Variants in MON2 observed in about 807,000 individuals in gnomAD.
MON2 encodes the protein protein MON2 homolog.
MON2 carries 84 observed loss-of-function variants against 208.6 expected under a neutral mutation model. That is an observed-to-expected ratio of 0.40 (90% CI 0.34 to 0.48). The LOEUF (loss-of-function observed/expected upper bound fraction) is 0.48. Among genes scored for constraint, MON2 ranks in the 20% least tolerant of loss-of-function variants. The probability of loss-of-function intolerance (pLI) is 0.59; values close to 1 mark genes in which losing one functional copy is unlikely to be tolerated. For synonymous variants in MON2, 660 were observed against 694.0 expected, an observed-to-expected ratio of 0.95 and a Z score of 0.77; for missense variants, 1,611 against 2,015.4, an observed-to-expected ratio of 0.80 and a Z score of 3.84.
intron 7 of MON2, among the ~76,000 whole-genome samples, chr12:62,505,895 A>C (rs529523301): frequency 1.3e-5 from 2 of 152,160 alleles, no homozygotes; most frequent in East Asian, 3.9e-4. Flanking sequence ...TATTTCAAAA[A>C]CAGAAAAAAA....
chr12:62,566,832 A>G (rs535495768), intron 29 of MON2, among the ~76,000 whole-genome samples: 23 of 152,104 alleles, frequency 1.5e-4, no homozygotes, highest in African/African-American at 5.5e-4. Flanking sequence ...ACATGTATAC[A>G]TATGTAACAA....
In MON2 at chr12:62,466,861, T is replaced by G; in HGVS notation, c.-347T>G. Reference sequence around the variant, plus strand: ...ATGGCGTCGGCGAGTCTTAGGGGCCTGGGGAGCTGGCGCTGAAGCTTCTTG... The same window carrying G: ...ATGGCGTCGGCGAGTCTTAGGGGCCGGGGGAGCTGGCGCTGAAGCTTCTTG... On this transcript the variant is annotated 5_prime_UTR_variant, in exon 1 of 35. Coordinates refer to ENST00000393630, the MANE Select transcript of MON2 (RefSeq NM_015026.3). 1 of 446,104 alleles carries G rather than the reference T, an allele frequency of 2.2e-6. No homozygotes were observed. Among genetic ancestry groups the G allele is most frequent in the Admixed American group, 4.1e-5 (1 of 24,186 alleles). 27.6% of individuals were successfully genotyped at this position (446,104 alleles called of 1,614,324 possible). A position where few individuals can be genotyped will look rare whatever the true frequency, so the allele number is the denominator to read the frequency against.
intron 12 of MON2, among the ~76,000 whole-genome samples, chr12:62,534,148 T>C (rs903431139): frequency 2.0e-5 from 3 of 151,782 alleles, no homozygotes; most frequent in African/African-American, 7.3e-5. Context: ...CCCAGCTACC[T>C]GGGAGGCTGA....
intron 1 of MON2, among the ~76,000 whole-genome samples, chr12:62,477,204 C>T (rs1165855719): frequency 6.6e-6 from 1 of 151,916 alleles, no homozygotes; most frequent in Admixed American, 6.6e-5. Flanking sequence ...AAAACAAAAC[C>T]AAGCAGAACA....
chr12:62,576,460 T>C (rs1378428776), intron 30 of MON2, among the ~76,000 whole-genome samples: 1 of 152,068 alleles, frequency 6.6e-6, no homozygotes, highest in East Asian at 1.9e-4. Flanking sequence ...AGGGTGAATT[T>C]TATAATATAT....
chr12:62,503,133 C>G (rs932768164), intron 7 of MON2, among the ~76,000 whole-genome samples: 1 of 152,174 alleles, frequency 6.6e-6, no homozygotes, highest in Non-Finnish European at 1.5e-5. Context: ...AGATTCCTTA[C>G]ATATTAATAT....
chr12:62,561,593 T>A (rs1031621860), intron 26 of MON2, among the ~76,000 whole-genome samples: 1 of 152,170 alleles, frequency 6.6e-6, no homozygotes, highest in Non-Finnish European at 1.5e-5. Context: ...ACTGTGTGTA[T>A]TTTGTTATTG....
chr12:62,576,538 T>C lies in MON2; in HGVS notation c.4515-1907T>C, dbSNP rs908622896. On this transcript the variant is annotated intron_variant, in intron 30 of 34. Coordinates refer to ENST00000393630, the MANE Select transcript of MON2 (RefSeq NM_015026.3). ...AACTGACAAAATACAAATAACACTT[T>C]ATAAGTTTGAAGGCTCTTTTTTATT... Among the ~76,000 whole-genome samples, 13 of 152,220 alleles carry C rather than the reference T, an allele frequency of 8.5e-5. No individual in the cohort carries two copies. In the South Asian group the frequency reaches 2.3e-3, roughly 27 times the overall value.
At position 62,467,182 on chromosome 12, in the gene MON2, G is replaced by A; in HGVS notation, c.-26G>A. On this transcript the variant is annotated 5_prime_UTR_variant, in exon 1 of 35. Coordinates refer to ENST00000393630, the MANE Select transcript of MON2 (RefSeq NM_015026.3). Reference sequence around the variant, plus strand: ...TGCCAGAGCTTGTTTGTACCTCTCGGAAATTGGCTGGGACCTTGGAGGATC... The same window carrying A: ...TGCCAGAGCTTGTTTGTACCTCTCGAAAATTGGCTGGGACCTTGGAGGATC... 6 of 1,603,606 alleles carry A rather than the reference G, an allele frequency of 3.7e-6. No individual in the cohort carries two copies. The highest frequency in any genetic ancestry group is 1.8e-4 in the Middle Eastern group (1 of 5,498).
chr12:62,492,707 A>T (rs949844277), intron 2 of MON2, among the ~76,000 whole-genome samples: 1 of 141,106 alleles, frequency 7.1e-6, no homozygotes, highest in Non-Finnish European at 1.6e-5. Context: ...ACAGCCAGGC[A>T]CGGTGGCTCA....
rs866936243 is a variant in MON2 at position 62,543,185 on chromosome 12, G to A, written c.2453G>A (p.Gly818Asp). 1.3e-6 allele frequency: 2 copies of A among 1,529,064 alleles called. No individual in the cohort carries two copies. Among genetic ancestry groups the A allele is most frequent in the African/African-American group, 1.4e-5 (1 of 70,668 alleles). 94.7% of individuals were successfully genotyped at this position (1,529,064 alleles called of 1,614,324 possible). ...RIEILWRPLT[G>D]HLLEVCQHPN... ...GAAATTCTGTGGAGACCTCTGACTG[G>A]CCATCTACTTGAGGTAAATTCTCTT... Residue 818 changes from glycine to aspartate, a missense_variant, in exon 20 of 35, where the codon GGC (glycine) becomes GAC (aspartate). Coordinates refer to ENST00000393630, the MANE Select transcript of MON2 (RefSeq NM_015026.3).
At chr12:62,540,154 G>A (rs966099530) in intron 19 of MON2, among the ~76,000 whole-genome samples, 4 of 152,030 alleles carry the variant, frequency 2.6e-5, no homozygotes, top group African/African-American at 4.8e-5. Context: ...AATGTTTTCA[G>A]AATCTATGTA....
At chr12:62,566,223 G>A in intron 28 of MON2, 99 bp from the exon 29 acceptor site, 2 of 1,454,198 alleles carry the variant, frequency 1.4e-6, no homozygotes, top group Non-Finnish European at 1.9e-6. Flanking sequence ...CTAAAACCAA[G>A]GCCTGAACTT....
rs75023374 is a variant in MON2 at position 62,480,239 on chromosome 12, T to C, written c.112-3931T>C. ...GGAATGAAAATACTGGTTACGTATC[T>C]TTTAAAATACCATTTTGGAACTACT... On this transcript the variant is annotated intron_variant, in intron 1 of 34. Coordinates refer to ENST00000393630, the MANE Select transcript of MON2 (RefSeq NM_015026.3). Among the ~76,000 whole-genome samples the C allele has an allele frequency of 2.8e-3, 433 of 152,318 alleles. 2 individuals carry two copies. Among genetic ancestry groups the C allele is most frequent in the East Asian group, 9.8e-3 (51 of 5,188 alleles).
intron 11 of MON2, among the ~76,000 whole-genome samples, chr12:62,530,355 C>A (rs1257234145): frequency 6.6e-6 from 1 of 151,814 alleles, no homozygotes; most frequent in African/African-American, 2.4e-5. Context: ...CTCAGCCTCC[C>A]GAGTAGCTGT....
At position 62,592,627 on chromosome 12, in the gene MON2, A is replaced by G. The variant is rs1402102338; in HGVS notation, c.5032A>G (p.Thr1678Ala). 6.8e-6 allele frequency: 11 copies of G among 1,610,874 alleles called. No individual in the cohort carries two copies. Among genetic ancestry groups the G allele is most frequent in the South Asian group, 1.1e-5 (1 of 90,784 alleles). ...GGCACAAGTAATTGCCTTATACCCA[A>G]CTTTAGTAGAATGCATCACCTGTTC... The part of the protein sequence containing the change: ...TWAQVIALYP[T>A]LVECITCSSS... The change falls in exon 35 of 35, where the codon ACT becomes GCT. Residue 1678 changes from threonine (T) to alanine (A), a missense_variant. Thr to Ala is a moderately conservative substitution (Grantham distance 58). Transcript: ENST00000393630.
intron 2 of MON2, among the ~76,000 whole-genome samples, chr12:62,493,038 TACAC>T (rs35345471): frequency 0.11 from 17,333 of 151,646 alleles, 1,260 homozygotes; most frequent in Middle Eastern, 0.25. Context: ...CATACACACA[TACAC>T]ACACACAAAC....
intron 8 of MON2, among the ~76,000 whole-genome samples, chr12:62,520,715 A>G (rs2071982970): frequency 6.6e-6 from 1 of 151,888 alleles, no homozygotes; most frequent in Non-Finnish European, 1.5e-5. Context: ...ACCTGAGGTC[A>G]GGAGTTTGAG....
In MON2 at chr12:62,508,499, A is replaced by T. The variant is rs776853315; in HGVS notation, c.984+19A>T. On this transcript the variant is annotated intron_variant, in intron 8 of 34. Transcript: ENST00000393630. ...TCTTTTGGTAAGTGCTAATTTCCTT[A>T]TGTATTTGTGTATATAGTTGCATGT... 6.2e-7 allele frequency: 1 copy of T among 1,605,736 alleles called. No individual in the cohort carries two copies. Among genetic ancestry groups the T allele is most frequent in the Non-Finnish European group, 8.5e-7 (1 of 1,172,462 alleles).
Sources: allele counts gnomAD v4.1 joint callset (sites outside exome capture counted in the v4.1 genomes callset), GRCh38; gene constraint gnomAD v4.1.1; transcripts MANE v1.5; gene names NCBI Gene and HGNC (gene_info 2026-07-23, HGNC 2026-07-21).